Variants in LTBP1 observed in about 807,000 individuals in gnomAD.
LTBP1 encodes the protein latent transforming growth factor beta binding protein 1, also known as latent-transforming growth factor beta-binding protein 1.
Under a neutral mutation model 207.6 loss-of-function variants are expected in LTBP1, and 129 were observed. The observed-to-expected ratio is 0.62, with a 90% CI of 0.54 to 0.72. The LOEUF (loss-of-function observed/expected upper bound fraction) is 0.72, where lower values mean the gene tolerates loss of function less well. LTBP1 is among the 30% of genes least tolerant of loss of function. The probability of loss-of-function intolerance (pLI) is 0.00; values close to 1 mark genes in which losing one functional copy is unlikely to be tolerated. For missense variants in LTBP1, 2,281 were observed against 2,217.2 expected, an observed-to-expected ratio of 1.03 and a Z score of -0.58; for synonymous variants, 963 against 833.7, an observed-to-expected ratio of 1.16 and a Z score of -2.67.
At chr2:33,357,833 G>C (rs1388422191) in intron 26 of LTBP1, among the ~76,000 whole-genome samples, 2 of 152,002 alleles carry the variant, frequency 1.3e-5, no homozygotes, top group African/African-American at 2.4e-5. Context: ...ATATCTTTAA[G>C]AAAAAGAGTA....
rs574422673 is a variant in LTBP1 at position 33,186,981 on chromosome 2, T to C, written c.1327T>C (p.Tyr443His). The C allele has an allele frequency of 1.4e-5, 23 of 1,614,230 alleles. No individual in the cohort carries two copies. The East Asian group carries it at 2.9e-4, about 20-fold the overall frequency. Residue 443 changes from tyrosine to histidine, a missense_variant, in exon 6 of 34, where the codon TAT becomes CAT. Tyr to His is a moderately conservative substitution (Grantham distance 83). Coordinates refer to ENST00000404816, the MANE Select transcript of LTBP1 (RefSeq NM_206943.4). Reference protein sequence around the residue: ...PVHGASVPKLYQHSQQPGKAL... With the variant: ...PVHGASVPKLHQHSQQPGKAL... Reference sequence around the variant, plus strand: ...CCATGGTGCCAGCGTGCCTAAACTTTATCAGCATTCCCAGCAGCCAGGCAA... The same window carrying C: ...CCATGGTGCCAGCGTGCCTAAACTTCATCAGCATTCCCAGCAGCCAGGCAA...
intron 3 of LTBP1, among the ~76,000 whole-genome samples, chr2:33,080,055 C>T: frequency 6.6e-6 from 1 of 152,048 alleles, no homozygotes; most frequent in Non-Finnish European, 1.5e-5. Context: ...GAGACAGAGT[C>T]CCCCTCTGTC....
At chr2:33,282,978 G>C (rs145246503) in intron 19 of LTBP1, among the ~76,000 whole-genome samples, 1 of 148,904 alleles carries the variant, frequency 6.7e-6, no homozygotes, top group Non-Finnish European at 1.5e-5. Context: ...CAGGAGAATC[G>C]CTTGAACCTG....
At chr2:33,151,553 G>C (rs2083521251) in intron 5 of LTBP1, among the ~76,000 whole-genome samples, 1 of 151,882 alleles carries the variant, frequency 6.6e-6, no homozygotes, top group Non-Finnish European at 1.5e-5. Flanking sequence ...AGATTTTGGT[G>C]CACCCATCAC....
Position 32,947,736 on chromosome 2 carries a change from G to C in LTBP1, c.412G>C (p.Val138Leu). ...CCCGTTCACCAAACAAGGCAGGCAA[G>C]TTGTGCGCTCCAAGGTGCCGCAGGA... ...AAPFTKQGRQ[V>L]VRSKVPQETQ... The change falls in exon 1 of 34, where the codon GTT (valine) becomes CTT (leucine). Residue 138 changes from valine to leucine, a missense_variant. This residue lies in a region of LTBP1 where 555 missense variants were observed against 491.0 expected (regional missense o/e 1.13). Coordinates refer to ENST00000404816, the MANE Select transcript of LTBP1 (RefSeq NM_206943.4). The C allele has an allele frequency of 3.2e-6, 5 of 1,538,586 alleles. No homozygotes were observed. Among genetic ancestry groups the C allele is most frequent in the Non-Finnish European group, 4.4e-6 (5 of 1,144,200 alleles).
At chr2:33,280,934 G>A (rs1440158671) in intron 19 of LTBP1, among the ~76,000 whole-genome samples, 1 of 152,082 alleles carries the variant, frequency 6.6e-6, no homozygotes, top group Non-Finnish European at 1.5e-5. Flanking sequence ...CCTGGGCTTC[G>A]TGGGGTGTGT....
At chr2:33,104,970 C>T (rs1310455934) in intron 3 of LTBP1, among the ~76,000 whole-genome samples, 2 of 152,242 alleles carry the variant, frequency 1.3e-5, no homozygotes, top group Non-Finnish European at 2.9e-5. Flanking sequence ...GAATCCTTCC[C>T]TGGCTGTCCC....
intron 9 of LTBP1, among the ~76,000 whole-genome samples, chr2:33,239,381 C>T (rs1009013951): frequency 1.3e-5 from 2 of 152,118 alleles, no homozygotes; most frequent in Non-Finnish European, 2.9e-5. Flanking sequence ...GCCCCTTCAG[C>T]CATTTATTTT....
At chr2:33,357,772 T>G (rs1381726561) in intron 26 of LTBP1, among the ~76,000 whole-genome samples, 1 of 152,200 alleles carries the variant, frequency 6.6e-6, no homozygotes, top group Non-Finnish European at 1.5e-5. Flanking sequence ...AGTAATATAT[T>G]TTTTAGAAGT....
chr2:33,136,335 C>T (rs956575707), intron 5 of LTBP1, among the ~76,000 whole-genome samples: 2 of 152,206 alleles, frequency 1.3e-5, no homozygotes, highest in Non-Finnish European at 2.9e-5. Flanking sequence ...CTGCCACTAA[C>T]TAGCTAATCC....
chr2:32,956,986 C>T (rs1490486631), intron 2 of LTBP1, among the ~76,000 whole-genome samples: 1 of 152,176 alleles, frequency 6.6e-6, no homozygotes, highest in Non-Finnish European at 1.5e-5. Context: ...AGCAATAGGT[C>T]TCAACAGTGG....
At chr2:33,390,991 A>AT (rs147516125) in intron 32 of LTBP1, among the ~76,000 whole-genome samples, 8,678 of 143,832 alleles carry the variant, frequency 0.06, 369 homozygotes, top group African/African-American at 0.12. Flanking sequence ...AAGAGCTTTT[A>AT]TTTTTTTTTT....
intron 3 of LTBP1, among the ~76,000 whole-genome samples, chr2:33,063,700 A>G (rs2077370841): frequency 6.6e-6 from 1 of 152,164 alleles, no homozygotes; most frequent in Non-Finnish European, 1.5e-5. Flanking sequence ...AACTGCTGCC[A>G]TAGCTCAATT....
intron 15 of LTBP1, among the ~76,000 whole-genome samples, chr2:33,267,602 G>T (rs903367457): frequency 2.0e-5 from 3 of 152,142 alleles, no homozygotes; most frequent in African/African-American, 7.2e-5. Flanking sequence ...ATTGTTTATA[G>T]TAATGTTAAA....
At chr2:32,949,080 C>T (rs1676712143) in intron 2 of LTBP1, 135 bp downstream of exon 2, 1 of 795,486 alleles carries the variant, frequency 1.3e-6, no homozygotes, top group African/African-American at 1.7e-5. Flanking sequence ...ACCCAGGCTT[C>T]ATTACCACCT....
At chr2:33,036,999 G>A (rs974709241) in intron 3 of LTBP1, among the ~76,000 whole-genome samples, 3 of 151,984 alleles carry the variant, frequency 2.0e-5, no homozygotes, top group African/African-American at 7.3e-5. Flanking sequence ...TATAAAATGG[G>A]ATCCATTTCT....
intron 9 of LTBP1, among the ~76,000 whole-genome samples, chr2:33,224,976 C>G (rs1391416367): frequency 2.6e-5 from 4 of 152,058 alleles, no homozygotes; most frequent in Non-Finnish European, 5.9e-5. Context: ...TAGATGCATA[C>G]TTAGGTCATT....
At chr2:32,994,175 G>T (rs1684880349) in intron 2 of LTBP1, among the ~76,000 whole-genome samples, 1 of 152,120 alleles carries the variant, frequency 6.6e-6, no homozygotes, top group Non-Finnish European at 1.5e-5. Context: ...TGTCATCAGA[G>T]GTCTTTACGT....
intron 9 of LTBP1, among the ~76,000 whole-genome samples, chr2:33,242,460 C>A (rs747611857): frequency 6.6e-5 from 10 of 152,148 alleles, no homozygotes; most frequent in Non-Finnish European, 1.0e-4. Context: ...TCTTCTGCTG[C>A]TACTGGGTAT....
Sources: allele counts gnomAD v4.1 joint callset (sites outside exome capture counted in the v4.1 genomes callset), GRCh38; gene constraint gnomAD v4.1.1; regional missense constraint gnomAD v4.1.1; transcripts MANE v1.5; gene names NCBI Gene and HGNC (gene_info 2026-07-23, HGNC 2026-07-21).